The following DOCK7 variants were observed in gnomAD, a reference collection of about 807,000 sequenced individuals.
The protein encoded by DOCK7 is dedicator of cytokinesis 7.
In DOCK7, 138 loss-of-function variants were observed where a neutral mutation model predicts 271.0. That is an observed-to-expected ratio of 0.51 (90% CI 0.44 to 0.59). DOCK7 has a LOEUF of 0.59. Among genes scored for constraint, DOCK7 ranks in the 20% least tolerant of loss-of-function variants. DOCK7 has a pLI of 0.00. For synonymous variants in DOCK7, 823 were observed against 876.1 expected, an observed-to-expected ratio of 0.94 and a Z score of 1.07; for missense variants, 2,066 against 2,592.4, an observed-to-expected ratio of 0.80 and a Z score of 4.41.
intron 7 of DOCK7, chr1:62,638,473 T>G: frequency 6.6e-6 from 1 of 151,020 alleles, no homozygotes; most frequent in Non-Finnish European, 1.5e-5. Flanking sequence ...GTAAAAAAAA[T>G]TTTGTGTATC....
chr1:62,680,538 G>C (rs1391296738), intron 1 of DOCK7, among the ~76,000 whole-genome samples: 1 of 151,738 alleles, frequency 6.6e-6, no homozygotes, highest in Non-Finnish European at 1.5e-5. Context: ...ATTGACAAAT[G>C]GGATCTAATT....
intron 21 of DOCK7, among the ~76,000 whole-genome samples, chr1:62,553,715 T>C (rs1297085508): frequency 6.6e-6 from 1 of 152,064 alleles, no homozygotes; most frequent in Non-Finnish European, 1.5e-5. Flanking sequence ...AAAGATACTC[T>C]ATTTTACAGC....
intron 1 of DOCK7, among the ~76,000 whole-genome samples, chr1:62,681,488 A>C (rs1661145032): frequency 6.6e-6 from 1 of 151,880 alleles, no homozygotes; most frequent in African/African-American, 2.4e-5. Context: ...TACATATGTA[A>C]CAAACCTGCA....
At chr1:62,597,821 A>G in intron 14 of DOCK7, 1 of 1,612,934 alleles carries the variant, frequency 6.2e-7, no homozygotes, top group Non-Finnish European at 8.5e-7. Flanking sequence ...TTTATGATCT[A>G]TCGCTGCAAA....
At position 62,584,745 on chromosome 1, in the gene DOCK7, C is replaced by A. The variant is rs1460022490; in HGVS notation, c.1801-1491G>T. 8 of 853,674 alleles carry A rather than the reference C, an allele frequency of 9.4e-6. No individual in the cohort carries two copies. In the African/African-American group the frequency reaches 1.3e-4, roughly 14 times the overall value. 52.9% of individuals were successfully genotyped at this position (853,674 alleles called of 1,614,324 possible). ...ATCGTCCCTGCCCTCAAGGAGCTCA[C>A]AATCTAATGGGTGAAATTAAGAAAT... On this transcript the variant is annotated intron_variant, in intron 15 of 49. Transcript: ENST00000635253.
At chr1:62,567,609 A>G (rs1405042645) in intron 18 of DOCK7, among the ~76,000 whole-genome samples, 1 of 152,148 alleles carries the variant, frequency 6.6e-6, no homozygotes. Context: ...TGACAGGTTT[A>G]TGGGTGCAAT....
intron 14 of DOCK7, among the ~76,000 whole-genome samples, chr1:62,591,716 T>C (rs2149512067): frequency 6.6e-6 from 1 of 152,320 alleles, no homozygotes; most frequent in South Asian, 2.1e-4. Context: ...GGCATGGACA[T>C]GACTGGCTAC....
chr1:62,651,023 T>C (rs1374611633), intron 4 of DOCK7, among the ~76,000 whole-genome samples: 1 of 151,968 alleles, frequency 6.6e-6, no homozygotes, highest in Non-Finnish European at 1.5e-5. Context: ...CTATTCACAA[T>C]AGCAAAGACT....
chr1:62,586,428 A>C (rs1647532872), intron 15 of DOCK7, 79 bp downstream of exon 15: 2 of 988,466 alleles, frequency 2.0e-6, no homozygotes, highest in South Asian at 3.3e-5. Context: ...TCCAGGTTGC[A>C]GTTGCCAACC....
intron 18 of DOCK7, among the ~76,000 whole-genome samples, chr1:62,563,695 CAAT>C (rs577144374): frequency 2.9e-4 from 44 of 151,792 alleles, no homozygotes; most frequent in Admixed American, 9.2e-4. Context: ...TCACACACAA[CAAT>C]GTTAACTCCG....
intron 31 of DOCK7, among the ~76,000 whole-genome samples, chr1:62,519,006 TACACAC>T (rs61224578): frequency 6.7e-6 from 1 of 148,238 alleles, no homozygotes; most frequent in South Asian, 2.2e-4. Context: ...AGTCATGCTA[TACACAC>T]ACACACACAC....
intron 7 of DOCK7, among the ~76,000 whole-genome samples, chr1:62,640,320 T>TG (rs1571870225): frequency 6.6e-6 from 1 of 152,018 alleles, no homozygotes; most frequent in East Asian, 1.9e-4. Context: ...GAGACCATCC[T>TG]GGCCAACATG....
intron 1 of DOCK7, 21 bp downstream of exon 1, chr1:62,688,206 C>A: frequency 7.3e-7 from 1 of 1,369,062 alleles, no homozygotes. Context: ...GGCGGCGGCG[C>A]GCCCCACGCC....
In DOCK7 at chr1:62,529,506, A is replaced by T. The variant is rs1204079548; in HGVS notation, c.3612-60T>A. 3.7e-6 allele frequency: 5 copies of T among 1,351,150 alleles called. No individual in the cohort carries two copies. In the Admixed American group the frequency reaches 1.2e-4, roughly 32 times the overall value. The allele number at this position is 1,351,150 out of a possible 1,614,324, so 83.7% of individuals were successfully genotyped here. ...AGTAAGGCCACAGAGATTAGCTAAC[A>T]TCTTTAAAACAAACAGTAAGTCATG... is the stretch of plus-strand genomic sequence containing the variant. On this transcript the variant is annotated intron_variant, in intron 29 of 49. Transcript: ENST00000635253.
intron 31 of DOCK7, 30 bp downstream of exon 31, chr1:62,528,121 A>C (rs1290885889): frequency 1.3e-6 from 2 of 1,581,850 alleles, no homozygotes; most frequent in South Asian, 2.3e-5. Flanking sequence ...CTTTCTAGAA[A>C]AAAAAATTCT....
intron 7 of DOCK7, chr1:62,641,558 G>T (rs1439659029): frequency 8.5e-6 from 4 of 469,392 alleles, no homozygotes; most frequent in Non-Finnish European, 1.3e-5. Flanking sequence ...GCAGAGGAAG[G>T]CCAGGTACTT....
intron 22 of DOCK7, among the ~76,000 whole-genome samples, chr1:62,551,934 A>G (rs2149420089): frequency 6.6e-6 from 1 of 152,048 alleles, no homozygotes; most frequent in East Asian, 1.9e-4. Flanking sequence ...CCTAAAAGAA[A>G]TAAATAGAAT....
chr1:62,622,877 C>A (rs1314116428), intron 12 of DOCK7, among the ~76,000 whole-genome samples: 3 of 152,078 alleles, frequency 2.0e-5, no homozygotes, highest in Non-Finnish European at 4.4e-5. Flanking sequence ...TTACAGTGAG[C>A]CGAGACTGTG....
chr1:62,468,597 C>T (rs986060908), intron 48 of DOCK7, among the ~76,000 whole-genome samples: 7 of 152,038 alleles, frequency 4.6e-5, no homozygotes, highest in African/African-American at 1.4e-4. Flanking sequence ...AAAGCAAATC[C>T]AAATCGGTAA....
Sources: gnomAD v4.1 joint callset for allele counts (sites outside exome capture counted in the v4.1 genomes callset) on GRCh38, gnomAD v4.1.1 for gene constraint, MANE v1.5 for transcripts, NCBI Gene and HGNC (gene_info 2026-07-23, HGNC 2026-07-21) for gene names.